Variants in KCNIP4 observed in about 807,000 individuals in gnomAD.
The protein encoded by KCNIP4 is potassium voltage-gated channel interacting protein 4.
KCNIP4 carries 12 observed loss-of-function variants against 34.0 expected under a neutral mutation model. The ratio of observed to expected loss-of-function variants is 0.35; its 90% CI spans 0.23 to 0.57. The LOEUF is 0.57. Ranked by LOEUF, KCNIP4 falls within the 20% of genes least tolerant of loss-of-function variation. KCNIP4 has a pLI of 0.83. For synonymous variants in KCNIP4, 124 were observed against 102.2 expected (o/e 1.21, Z -1.29); for missense variants, 238 against 311.7 (o/e 0.76, Z 1.78).
intron 1 of KCNIP4, among the ~76,000 whole-genome samples, chr4:21,181,896 A>G (rs953847303): frequency 2.6e-5 from 4 of 152,184 alleles, no homozygotes; most frequent in Non-Finnish European, 4.4e-5. Context: ...ACACTGGTAC[A>G]ATAGTGCCCT....
rs977098066 is a variant in KCNIP4 at position 21,516,025 on chromosome 4, A to G, written c.61+432546T>C. Among the ~76,000 whole-genome samples the G allele has an allele frequency of 2.0e-5, 3 of 152,164 alleles. No homozygotes were observed. The South Asian group carries it at 6.2e-4, about 31-fold the overall frequency. On this transcript the variant is annotated intron_variant, in intron 1 of 8. Coordinates refer to ENST00000382152, the MANE Select transcript of KCNIP4 (RefSeq NM_025221.6). ...ATCATCTTCTTGCAGACCAGCTGCA[A>G]AGAGTAGTAGCTCAATTGATTATTG... is the stretch of plus-strand genomic sequence containing the variant.
At chr4:21,324,768 A>G (rs1167144882) in intron 1 of KCNIP4, among the ~76,000 whole-genome samples, 14 of 149,996 alleles carry the variant, frequency 9.3e-5, no homozygotes, top group African/African-American at 3.4e-4. Flanking sequence ...CATAAATTTT[A>G]GGACAGTTTT....
chr4:21,075,634 T>C, intron 1 of KCNIP4, among the ~76,000 whole-genome samples: 1 of 152,204 alleles, frequency 6.6e-6, no homozygotes, highest in Admixed American at 6.5e-5. Context: ...ATTTAGTCCA[T>C]TTACATTTAA....
At chr4:20,947,280 C>T (rs1199516678) in intron 1 of KCNIP4, among the ~76,000 whole-genome samples, 1 of 152,090 alleles carries the variant, frequency 6.6e-6, no homozygotes, top group African/African-American at 2.4e-5. Flanking sequence ...GTGATCCTCC[C>T]ACCTCAGCCT....
chr4:21,087,146 ATGTGTGTGTGTG>A lies in KCNIP4; in HGVS notation c.62-204449_62-204438del, dbSNP rs34874556. On this transcript the variant is annotated intron_variant, in intron 1 of 8. Coordinates refer to ENST00000382152, the MANE Select transcript of KCNIP4 (RefSeq NM_025221.6). ...AGGCATGCACCACCACTGCTGGGTA[ATGTGTGTGTGTG>A]TGTGTGTGTGTGTGTGTGTGTGTGT... is the stretch of plus-strand genomic sequence containing the variant. 2.4e-3 allele frequency among the ~76,000 whole-genome samples: 270 copies of A among 110,930 alleles called. 2 individuals carry two copies. The highest frequency in any genetic ancestry group is 0.018 in the South Asian group (51 of 2,828). The allele number at this position is 110,930 out of a possible 152,430, so 72.8% of individuals were successfully genotyped here.
intron 1 of KCNIP4, among the ~76,000 whole-genome samples, chr4:21,545,883 T>C (rs189972676): frequency 6.6e-6 from 1 of 152,242 alleles, no homozygotes; most frequent in Non-Finnish European, 1.5e-5. Context: ...ATTTATAATC[T>C]CTAAGGTATA....
At chr4:21,186,656 TA>T (rs547712773) in intron 1 of KCNIP4, among the ~76,000 whole-genome samples, 48 of 152,310 alleles carry the variant, frequency 3.2e-4, no homozygotes, top group Admixed American at 1.2e-3. Flanking sequence ...TTTATTTGTT[TA>T]TTTTTGAGAC....
chr4:21,185,996 T>A (rs1755196096), intron 1 of KCNIP4, among the ~76,000 whole-genome samples: 1 of 152,164 alleles, frequency 6.6e-6, no homozygotes, highest in Non-Finnish European at 1.5e-5. Context: ...ACAGACCTGC[T>A]CTCTATCCTA....
At chr4:21,141,635 T>C (rs1014375869) in intron 1 of KCNIP4, among the ~76,000 whole-genome samples, 9 of 152,144 alleles carry the variant, frequency 5.9e-5, no homozygotes, top group African/African-American at 1.7e-4. Context: ...ACGCTTACCA[T>C]AGAAGAACTC....
In KCNIP4 at chr4:21,688,121, A is replaced by G. The variant is rs114867001; in HGVS notation, c.61+260450T>C. 2.6e-3 allele frequency among the ~76,000 whole-genome samples: 403 copies of G among 152,292 alleles called. 1 individual carries two copies. The highest frequency in any genetic ancestry group is 7.8e-3 in the African/African-American group (323 of 41,556). ...CCTCTCACAATACCATAAAGAAATA[A>G]TCTATATTTTAAAGCAACTACTGTG... On this transcript the variant is annotated intron_variant, in intron 1 of 8. Transcript: ENST00000382152.
intron 1 of KCNIP4, among the ~76,000 whole-genome samples, chr4:21,281,591 T>C (rs1762779021): frequency 6.6e-6 from 1 of 152,224 alleles, no homozygotes; most frequent in South Asian, 2.1e-4. Context: ...TTAAGTGGTC[T>C]CTTTGCACTT....
At chr4:21,914,442 C>A (rs528287106) in intron 1 of KCNIP4, among the ~76,000 whole-genome samples, 1 of 152,258 alleles carries the variant, frequency 6.6e-6, no homozygotes, top group African/African-American at 2.4e-5. Context: ...AGTTCTTCCA[C>A]ACCCTGTGAC....
At chr4:21,482,674 G>A (rs1342067304) in intron 1 of KCNIP4, among the ~76,000 whole-genome samples, 2 of 152,108 alleles carry the variant, frequency 1.3e-5, no homozygotes, top group African/African-American at 4.8e-5. Flanking sequence ...TTTCTGCTGA[G>A]AGATCAGCTG....
intron 1 of KCNIP4, among the ~76,000 whole-genome samples, chr4:21,042,787 A>G (rs1742079931): frequency 6.6e-6 from 1 of 152,190 alleles, no homozygotes; most frequent in Admixed American, 6.5e-5. Flanking sequence ...TGTACCCCGT[A>G]AGTATGTACA....
At chr4:21,098,637 A>G (rs1367003315) in intron 1 of KCNIP4, among the ~76,000 whole-genome samples, 1 of 152,164 alleles carries the variant, frequency 6.6e-6, no homozygotes, top group African/African-American at 2.4e-5. Flanking sequence ...TTCAGAAAAA[A>G]AAAGATTCTT....
intron 1 of KCNIP4, among the ~76,000 whole-genome samples, chr4:21,149,734 G>T (rs1346870797): frequency 6.6e-6 from 1 of 152,090 alleles, no homozygotes; most frequent in African/African-American, 2.4e-5. Context: ...ACTAAGGAGA[G>T]TATAATGAAG....
At chr4:20,936,595 G>A (rs1187502356) in intron 1 of KCNIP4, among the ~76,000 whole-genome samples, 3 of 151,784 alleles carry the variant, frequency 2.0e-5, no homozygotes, top group Admixed American at 6.6e-5. Flanking sequence ...AATCTACCAG[G>A]GAGAGGTTTA....
At chr4:21,679,125 T>C (rs111619647) in intron 1 of KCNIP4, among the ~76,000 whole-genome samples, 62 of 152,174 alleles carry the variant, frequency 4.1e-4, no homozygotes, top group African/African-American at 1.4e-3. Flanking sequence ...CTAGCCTCAA[T>C]TGCTGTGAGA....
chr4:20,828,162 C>G (rs1717991601), intron 3 of KCNIP4, among the ~76,000 whole-genome samples: 1 of 152,300 alleles, frequency 6.6e-6, no homozygotes, highest in South Asian at 2.1e-4. Context: ...GGCGCGGTGG[C>G]TCAAGCCTGT....
Sources: allele counts gnomAD v4.1 joint callset (sites outside exome capture counted in the v4.1 genomes callset), GRCh38; gene constraint gnomAD v4.1.1; transcripts MANE v1.5; gene names NCBI Gene and HGNC (gene_info 2026-07-23, HGNC 2026-07-21).